Variants in CPA3 observed in about 807,000 individuals in gnomAD.
CPA3 encodes mast cell carboxypeptidase A.
Under a neutral mutation model 55.8 loss-of-function variants are expected in CPA3, and 52 were observed. The ratio of observed to expected loss-of-function variants is 0.93; its 90% CI spans 0.75 to 1.17. The LOEUF is 1.17. Among genes scored for constraint, CPA3 ranks in the 50% most tolerant of loss-of-function variants. The pLI, the probability that CPA3 is intolerant of heterozygous loss-of-function variation, is 0.00. For missense variants in CPA3, 547 were observed against 509.1 expected, an observed-to-expected ratio of 1.07 and a Z score of -0.72; for synonymous variants, 179 against 171.2, an observed-to-expected ratio of 1.05 and a Z score of -0.36.
intron 3 of CPA3, among the ~76,000 whole-genome samples, chr3:148,875,299 G>C (rs968818399): frequency 2.6e-5 from 4 of 152,098 alleles, no homozygotes; most frequent in Non-Finnish European, 5.9e-5. Context: ...TATTTATATA[G>C]AGTCAATGAG....
chr3:148,871,720 A>G (rs893275940), intron 3 of CPA3, among the ~76,000 whole-genome samples: 3 of 152,218 alleles, frequency 2.0e-5, no homozygotes, highest in Non-Finnish European at 2.9e-5. Flanking sequence ...TGGTTTTATC[A>G]AATTAAAACA....
intron 3 of CPA3, among the ~76,000 whole-genome samples, chr3:148,871,136 A>T (rs1714055523): frequency 6.6e-6 from 1 of 152,080 alleles, no homozygotes; most frequent in South Asian, 2.1e-4. Flanking sequence ...TGACCTTGTG[A>T]TCCACTCACC....
chr3:148,885,188 T>C (rs1413235857), intron 9 of CPA3, among the ~76,000 whole-genome samples: 1 of 151,986 alleles, frequency 6.6e-6, no homozygotes, highest in Non-Finnish European at 1.5e-5. Context: ...GAAGATCCTG[T>C]AGCAATATGA....
At chr3:148,882,668 T>C (rs1257657782) in intron 8 of CPA3, 73 bp downstream of exon 8, 5 of 1,141,794 alleles carry the variant, frequency 4.4e-6, no homozygotes, top group African/African-American at 3.1e-5. Context: ...CTAAAACACC[T>C]ACTTGTTCAG....
chr3:148,894,268 C>T (rs571292320), intron 10 of CPA3, among the ~76,000 whole-genome samples: 7 of 152,162 alleles, frequency 4.6e-5, no homozygotes, highest in African/African-American at 7.2e-5. Context: ...AGTTTCTACA[C>T]CTCACTTGAC....
chr3:148,896,474 A>G (rs1266737277), intron 10 of CPA3, 46 bp from the exon 11 acceptor site: 1 of 1,433,352 alleles, frequency 7.0e-7, no homozygotes, highest in Non-Finnish European at 9.4e-7. Context: ...TTAAAAAAAC[A>G]TTAGCATTTG....
chr3:148,884,127 C>T (rs904121522), intron 9 of CPA3, among the ~76,000 whole-genome samples: 2 of 152,034 alleles, frequency 1.3e-5, no homozygotes, highest in Non-Finnish European at 2.9e-5. Flanking sequence ...ATGGGTTGTA[C>T]GGTAAAACCA....
rs770277585 is a variant in CPA3 at position 148,869,043 on chromosome 3, A to G, written c.269+4A>G. 5 of 1,610,474 alleles carry G rather than the reference A, an allele frequency of 3.1e-6. No individual in the cohort carries two copies. The highest frequency in any genetic ancestry group is 4.2e-6 in the Non-Finnish European group (5 of 1,177,718). On this transcript the variant is annotated splice_donor_region_variant and intron_variant, in intron 3 of 10. Coordinates refer to ENST00000296046, the MANE Select transcript of CPA3 (RefSeq NM_001870.4). ...ATCAAAATAAAATGCACTATGAGTA[A>G]GTCCTTGGCAAATATTGAAATTTGT...
chr3:148,878,565 C>A, intron 4 of CPA3, 22 bp downstream of exon 4: 1 of 1,579,288 alleles, frequency 6.3e-7, no homozygotes, highest in Non-Finnish European at 8.7e-7. Flanking sequence ...AATGCCTGTA[C>A]TTTTTTTTAA....
chr3:148,883,869 T>G lies in CPA3; in HGVS notation c.981+54T>G, dbSNP rs1001880844. The G allele has an allele frequency of 3.8e-6, 5 of 1,312,036 alleles. No individual in the cohort carries two copies. In the Admixed American group the frequency reaches 6.8e-5, roughly 18 times the overall value. The allele number at this position is 1,312,036 out of a possible 1,614,324, so 81.3% of individuals were successfully genotyped here. A position where few individuals can be genotyped will look rare whatever the true frequency, so the allele number is the denominator to read the frequency against. On this transcript the variant is annotated intron_variant, in intron 9 of 10. Transcript: ENST00000296046. ...CATCGACAATACCATTGACTTTCAG[T>G]CTGTTCTTCATTAACTTGGGTATGT...
chr3:148,889,869 C>A (rs1239846812), intron 10 of CPA3, among the ~76,000 whole-genome samples: 207 of 110,152 alleles, frequency 1.9e-3, no homozygotes, highest in Non-Finnish European at 2.0e-3. Flanking sequence ...AACTCCATCT[C>A]AAAAAAAAAA....
chr3:148,888,877 T>C (rs1371214627), intron 10 of CPA3, among the ~76,000 whole-genome samples: 1 of 152,196 alleles, frequency 6.6e-6, no homozygotes, highest in Non-Finnish European at 1.5e-5. Context: ...TTTGGAGCTT[T>C]CAGAGATAAA....
intron 10 of CPA3, 86 bp downstream of exon 10, chr3:148,886,263 G>A: frequency 1.1e-6 from 1 of 902,098 alleles, no homozygotes; most frequent in Non-Finnish European, 1.7e-6. Context: ...TGCAATTTAG[G>A]TTAGAGCATC....
rs1028713828 is a variant in CPA3, at chr3:148,892,480, C to T, written c.1067-4040C>T. Among the ~76,000 whole-genome samples the T allele has an allele frequency of 3.9e-5, 6 of 151,982 alleles. No individual in the cohort carries two copies. In the East Asian group the frequency reaches 5.8e-4, roughly 15 times the overall value. ...CCAGCCTGGCCAACATGGTGAAACC[C>T]GGTCTCTACTAAAAATACAAAAATT... On this transcript the variant is annotated intron_variant, in intron 10 of 10. Coordinates refer to ENST00000296046, the MANE Select transcript of CPA3 (RefSeq NM_001870.4).
At chr3:148,876,625 C>T (rs186030514) in intron 3 of CPA3, among the ~76,000 whole-genome samples, 2,744 of 152,224 alleles carry the variant, frequency 0.018, 98 homozygotes, top group African/African-American at 0.061. Flanking sequence ...GATCCAACTG[C>T]CTCAGCTTCC....
chr3:148,881,545 C>T lies in CPA3; in HGVS notation c.600C>T (p.Asn200=), dbSNP rs1009864078. 6.2e-7 allele frequency: 1 copy of T among 1,611,718 alleles called. No homozygotes were observed. Among genetic ancestry groups the T allele is most frequent in the Non-Finnish European group, 8.5e-7 (1 of 1,178,788 alleles). The change falls in exon 7 of 11, where the codon AAC becomes AAT. Residue 200 remains asparagine (N), a synonymous_variant. Transcript: ENST00000296046. ...VYQATKTYGR[N]KIMTKLLDRM... ...AGGCAACCAAAACTTATGGGAGAAA[C>T]AAAATTATGACCAAACTCTTGGACC...
chr3:148,874,253 G>T (rs545773842), intron 3 of CPA3, among the ~76,000 whole-genome samples: 1 of 152,254 alleles, frequency 6.6e-6, no homozygotes, highest in Admixed American at 6.5e-5. Context: ...GAGCTAAATT[G>T]ATATGTGTAA....
intron 7 of CPA3, 27 bp from the exon 8 acceptor site, chr3:148,882,478 A>G (rs1219978901): frequency 6.3e-6 from 10 of 1,591,748 alleles, no homozygotes; most frequent in South Asian, 1.1e-5. Flanking sequence ...GATCTTGTGT[A>G]AACACTTACG....
chr3:148,877,126 A>G (rs567539164), intron 3 of CPA3, among the ~76,000 whole-genome samples: 9 of 152,342 alleles, frequency 5.9e-5, no homozygotes, highest in Middle Eastern at 3.4e-3. Flanking sequence ...GTCAAGTATA[A>G]GTGACCATCA....
Sources: gnomAD v4.1 joint callset for allele counts (sites outside exome capture counted in the v4.1 genomes callset) on GRCh38, gnomAD v4.1.1 for gene constraint, MANE v1.5 for transcripts, NCBI Gene and HGNC (gene_info 2026-07-23, HGNC 2026-07-21) for gene names.